Variants in KLHL26 observed in about 807,000 individuals in gnomAD.
KLHL26 encodes the protein kelch-like protein 26.
Under a neutral mutation model 7.1 loss-of-function variants are expected in KLHL26, and 4 were observed. That is an observed-to-expected ratio of 0.56 (90% CI 0.28 to 1.28). The LOEUF is 1.28. KLHL26 is among the 50% of genes most tolerant of loss of function. KLHL26 has a pLI of 0.11. For missense variants in KLHL26, 896 were observed against 924.6 expected, an observed-to-expected ratio of 0.97 and a Z score of 0.40; for synonymous variants, 465 against 414.1, an observed-to-expected ratio of 1.12 and a Z score of -1.49.
At chr19:18,663,548 T>A (rs1230949267) in intron 1 of KLHL26, among the ~76,000 whole-genome samples, 1 of 151,920 alleles carries the variant, frequency 6.6e-6, no homozygotes, top group African/African-American at 2.4e-5. Flanking sequence ...GTCCCAGGAA[T>A]GGGAGAGCAA....
chr19:18,670,550 A>G lies in KLHL26; in HGVS notation c.*1305A>G, dbSNP rs1248889812. On this transcript the variant is annotated 3_prime_UTR_variant, in exon 3 of 3. Coordinates refer to ENST00000300976, the MANE Select transcript of KLHL26 (RefSeq NM_018316.3). Reference sequence around the variant, plus strand: ...GCGGCTTGGGTCTGATTGGTCACAGATTCCTCGTGTGTCCTCCGCGTGTCT... The same window carrying G: ...GCGGCTTGGGTCTGATTGGTCACAGGTTCCTCGTGTGTCCTCCGCGTGTCT... 2 of 152,072 alleles carry G rather than the reference A, an allele frequency of 1.3e-5. No homozygotes were observed. The highest frequency in any genetic ancestry group is 6.6e-5 in the Admixed American group (1 of 15,262). 9.4% of individuals were successfully genotyped at this position (152,072 alleles called of 1,614,324 possible). A position where few individuals can be genotyped will look rare whatever the true frequency, so the allele number is the denominator to read the frequency against.
chr19:18,655,050 G>T (rs1304747793), intron 1 of KLHL26, among the ~76,000 whole-genome samples: 4 of 152,226 alleles, frequency 2.6e-5, no homozygotes, highest in African/African-American at 9.6e-5. Context: ...CAGATGGAGT[G>T]AGGAGCAGGG....
At chr19:18,664,930 T>A (rs1380159029) in intron 2 of KLHL26, among the ~76,000 whole-genome samples, 1 of 151,940 alleles carries the variant, frequency 6.6e-6, no homozygotes, top group Non-Finnish European at 1.5e-5. Flanking sequence ...ACCTGCAGGT[T>A]TCCCGGAGTT....
Position 18,667,939 on chromosome 19 carries a change from G to C in KLHL26, c.542G>C (p.Arg181Pro). 6.2e-7 allele frequency: 1 copy of C among 1,610,542 alleles called. No individual in the cohort carries two copies. Among genetic ancestry groups the C allele is most frequent in the Non-Finnish European group, 8.5e-7 (1 of 1,179,990 alleles). Residue 181 changes from arginine to proline, a missense_variant, in exon 3 of 3, where the codon CGA (arginine) becomes CCA (proline). Physicochemically the swap from Arg to Pro is moderately radical, Grantham distance 103 (BLOSUM62 -2). Coordinates refer to ENST00000300976, the MANE Select transcript of KLHL26 (RefSeq NM_018316.3). ...ACCACCTTCAGCCTGGCCTCGCTGC[G>C]AGAGTCGGTGGATGCCTTCACCTTC... ...MATTFSLASL[R>P]ESVDAFTFRH...
At chr19:18,637,314 G>C (rs1225012601) in intron 1 of KLHL26, among the ~76,000 whole-genome samples, 177 bp downstream of exon 1, 1 of 152,190 alleles carries the variant, frequency 6.6e-6, no homozygotes, top group African/African-American at 2.4e-5. Flanking sequence ...CTACTGAGGG[G>C]GTGGCTGGAG....
chr19:18,654,432 C>T (rs2052305060), intron 1 of KLHL26, among the ~76,000 whole-genome samples: 1 of 150,244 alleles, frequency 6.7e-6, no homozygotes, highest in South Asian at 2.1e-4. Flanking sequence ...TATCACTATC[C>T]ATCCACCAAC....
intron 1 of KLHL26, among the ~76,000 whole-genome samples, chr19:18,657,495 T>G (rs778847314): frequency 2.0e-5 from 3 of 151,520 alleles, no homozygotes; most frequent in Non-Finnish European, 2.9e-5. Flanking sequence ...CCTGTCTCTG[T>G]GTCTCTGTCT....
In KLHL26 at chr19:18,650,287, G is replaced by A. The variant is rs1976883184; in HGVS notation, c.83+13150G>A. Among the ~76,000 whole-genome samples the A allele has an allele frequency of 1.3e-5, 2 of 152,220 alleles. No individual in the cohort carries two copies. Among genetic ancestry groups the A allele is most frequent in the African/African-American group, 4.8e-5 (2 of 41,454 alleles). ...AAGGAGGCAGAGCAGAGAGGCATGT[G>A]ATCACCCAGATCGTCTGAGAGCGGG... On this transcript the variant is annotated intron_variant, in intron 1 of 2. Coordinates refer to ENST00000300976, the MANE Select transcript of KLHL26 (RefSeq NM_018316.3). The surrounding 1 kb of genome is among the most constrained non-coding windows in gnomAD (Gnocchi z 4.2).
chr19:18,659,410 A>G (rs890527053), intron 1 of KLHL26, among the ~76,000 whole-genome samples: 1 of 152,198 alleles, frequency 6.6e-6, no homozygotes, highest in African/African-American at 2.4e-5. Flanking sequence ...GGAGCCAACC[A>G]GCTGTGCTGT....
chr19:18,662,879 A>G (rs1181128624), intron 1 of KLHL26, among the ~76,000 whole-genome samples: 4 of 151,924 alleles, frequency 2.6e-5, no homozygotes, highest in African/African-American at 9.7e-5. Flanking sequence ...GAGGGGAGGT[A>G]AGCGTCCCTT....
chr19:18,666,983 C>T (rs1262676673), intron 2 of KLHL26, among the ~76,000 whole-genome samples: 2 of 152,208 alleles, frequency 1.3e-5, no homozygotes, highest in East Asian at 1.9e-4. Flanking sequence ...TCTAACCGCA[C>T]CCCCGACAGG....
rs1252569345 is a variant in KLHL26 at position 18,650,303 on chromosome 19, T to G, written c.83+13166T>G. On this transcript the variant is annotated intron_variant, in intron 1 of 2. Transcript: ENST00000300976. The surrounding 1 kb of genome is among the most constrained non-coding windows in gnomAD (Gnocchi z 4.2). ...GAGGCATGTGATCACCCAGATCGTCTGAGAGCGGGACATTTTCCCGGAGCG... is the reference window on the plus strand; with the variant it reads ...GAGGCATGTGATCACCCAGATCGTCGGAGAGCGGGACATTTTCCCGGAGCG... Among the ~76,000 whole-genome samples, 1 of 152,180 alleles carries G rather than the reference T, an allele frequency of 6.6e-6. No homozygotes were observed. The highest frequency in any genetic ancestry group is 1.5e-5 in the Non-Finnish European group (1 of 68,028).
chr19:18,671,182 A>C lies in KLHL26; in HGVS notation c.*1937A>C, dbSNP rs1008608992. ...GGAGGCCCTGGGATATCACACACACATGGATCTCCATAAGTTGCTGTGCCT... is the reference window on the plus strand; with the variant it reads ...GGAGGCCCTGGGATATCACACACACCTGGATCTCCATAAGTTGCTGTGCCT... On this transcript the variant is annotated 3_prime_UTR_variant, in exon 3 of 3. Coordinates refer to ENST00000300976, the MANE Select transcript of KLHL26 (RefSeq NM_018316.3). 6.6e-6 allele frequency: 1 copy of C among 152,138 alleles called. No homozygotes were observed. The highest frequency in any genetic ancestry group is 1.5e-5 in the Non-Finnish European group (1 of 68,040). The allele number at this position is 152,138 out of a possible 1,614,324, so 9.4% of individuals were successfully genotyped here. A position where few individuals can be genotyped will look rare whatever the true frequency, so the allele number is the denominator to read the frequency against.
chr19:18,667,796 G>A lies in KLHL26; in HGVS notation c.399G>A (p.Val133=). Residue 133 remains valine, a synonymous_variant, in exon 3 of 3, where the codon GTG becomes GTA. Coordinates refer to ENST00000300976, the MANE Select transcript of KLHL26 (RefSeq NM_018316.3). ...SAEVTLDLDC[V]QDVLGAAVFL... ...AGGTGACACTGGACCTGGACTGCGT[G>A]CAGGACGTGCTGGGCGCGGCCGTGT... 6.2e-7 allele frequency: 1 copy of A among 1,613,400 alleles called. No homozygotes were observed. Among genetic ancestry groups the A allele is most frequent in the Non-Finnish European group, 8.5e-7 (1 of 1,179,978 alleles).
At chr19:18,667,312 G>A in intron 2 of KLHL26, 2 of 365,446 alleles carry the variant, frequency 5.5e-6, no homozygotes, top group Non-Finnish European at 5.2e-6. Flanking sequence ...TAGGATTACA[G>A]GCGTGAGCCA....
At chr19:18,642,226 C>T (rs1976724629) in intron 1 of KLHL26, among the ~76,000 whole-genome samples, 2 of 151,140 alleles carry the variant, frequency 1.3e-5, no homozygotes, top group African/African-American at 4.9e-5. Flanking sequence ...CCTCAACCTG[C>T]CCACGTCTCC....
chr19:18,642,653 T>C (rs1168851789), intron 1 of KLHL26, among the ~76,000 whole-genome samples: 1 of 151,912 alleles, frequency 6.6e-6, no homozygotes, highest in Non-Finnish European at 1.5e-5. Flanking sequence ...CGTGAGCCAC[T>C]GCGCCCGGCT....
At chr19:18,663,697 C>T (rs1374459631) in intron 1 of KLHL26, among the ~76,000 whole-genome samples, 1 of 151,430 alleles carries the variant, frequency 6.6e-6, no homozygotes, top group Non-Finnish European at 1.5e-5. Flanking sequence ...GGTGTGTTAA[C>T]GGCTCCTAAG....
intron 1 of KLHL26, among the ~76,000 whole-genome samples, chr19:18,637,790 C>T (rs1362702353): frequency 1.3e-5 from 2 of 151,984 alleles, no homozygotes; most frequent in Admixed American, 6.5e-5. Flanking sequence ...CTTTGGGGCT[C>T]CTCCCTTCCA....
Sources: gnomAD v4.1 joint callset for allele counts (sites outside exome capture counted in the v4.1 genomes callset) on GRCh38, gnomAD v4.1.1 for gene constraint, Gnocchi (gnomAD v3.1) non-coding constraint, MANE v1.5 for transcripts, NCBI Gene and HGNC (gene_info 2026-07-23, HGNC 2026-07-21) for gene names.